Variants in SNTG2 observed in about 807,000 individuals in gnomAD.
The protein encoded by SNTG2 is syntrophin gamma 2.
In SNTG2, 74 loss-of-function variants were observed where a neutral mutation model predicts 70.9. The observed-to-expected ratio is 1.04, with a 90% CI of 0.86 to 1.27. SNTG2 has a LOEUF of 1.27. SNTG2 is among the 50% of genes most tolerant of loss of function. The pLI is 0.00. For synonymous variants in SNTG2, 278 were observed against 273.8 expected (o/e 1.02, Z -0.15); for missense variants, 717 against 690.7 (o/e 1.04, Z -0.43).
At chr2:1,065,099 T>C (rs1298803405) in intron 1 of SNTG2, among the ~76,000 whole-genome samples, 1 of 152,170 alleles carries the variant, frequency 6.6e-6, no homozygotes, top group African/African-American at 2.4e-5. Flanking sequence ...CAGCTGGAGC[T>C]GTGTAGCTGG....
chr2:1,307,971 TTTTTG>T (rs1180362949), intron 14 of SNTG2, among the ~76,000 whole-genome samples: 4 of 152,152 alleles, frequency 2.6e-5, no homozygotes, highest in Admixed American at 2.0e-4. Context: ...ACCGATGTAG[TTTTTG>T]TTTGTTTTTG....
intron 7 of SNTG2, among the ~76,000 whole-genome samples, chr2:1,168,045 AAACCTAC>A (rs1670857593): frequency 7.6e-6 from 1 of 132,230 alleles, no homozygotes; most frequent in African/African-American, 3.0e-5. Context: ...GGCAGAACTG[AAACCTAC>A]AGGCCGCCCA....
intron 16 of SNTG2, among the ~76,000 whole-genome samples, chr2:1,365,087 GTTT>G (rs59283968): frequency 4.6e-5 from 7 of 150,874 alleles, no homozygotes; most frequent in Non-Finnish European, 7.4e-5. Flanking sequence ...AAGCTACTTG[GTTT>G]TTTTTTTTTC....
intron 14 of SNTG2, among the ~76,000 whole-genome samples, chr2:1,285,837 G>A (rs1481912970): frequency 6.6e-6 from 1 of 152,118 alleles, no homozygotes; most frequent in East Asian, 1.9e-4. Flanking sequence ...GAAGGGTCTG[G>A]ACCATTTGTA....
At chr2:1,006,685 A>G (rs1659582753) in intron 1 of SNTG2, among the ~76,000 whole-genome samples, 1 of 152,242 alleles carries the variant, frequency 6.6e-6, no homozygotes, top group South Asian at 2.1e-4. Context: ...CAGTGTTGTT[A>G]TGGCATTTAC....
At chr2:1,067,180 CA>C (rs1308538973) in intron 1 of SNTG2, among the ~76,000 whole-genome samples, 1 of 149,504 alleles carries the variant, frequency 6.7e-6, no homozygotes, top group Non-Finnish European at 1.5e-5. Context: ...TGTTGTGTAA[CA>C]TAACCACATT....
chr2:1,111,734 C>T (rs1374495436), intron 4 of SNTG2, among the ~76,000 whole-genome samples: 1 of 151,880 alleles, frequency 6.6e-6, no homozygotes, highest in African/African-American at 2.4e-5. Context: ...GAGAGACTCC[C>T]TGAGAAGAAT....
chr2:1,285,320 A>AT (rs1235086193), intron 14 of SNTG2, among the ~76,000 whole-genome samples: 8 of 152,118 alleles, frequency 5.3e-5, no homozygotes, highest in Admixed American at 5.2e-4. Flanking sequence ...AATATTTTGC[A>AT]TCCTTCAATC....
chr2:1,211,131 T>A (rs963854644), intron 9 of SNTG2, among the ~76,000 whole-genome samples: 11 of 152,366 alleles, frequency 7.2e-5, no homozygotes, highest in African/African-American at 2.6e-4. Flanking sequence ...CAGAATGTTT[T>A]AACAGTTCGT....
chr2:1,282,280 C>T (rs1166838314), intron 14 of SNTG2, among the ~76,000 whole-genome samples: 1 of 152,120 alleles, frequency 6.6e-6, no homozygotes, highest in East Asian at 1.9e-4. Context: ...AATATAAAAG[C>T]CCATTTTCAT....
chr2:1,209,339 T>C, intron 9 of SNTG2, 109 bp downstream of exon 9: 1 of 1,296,042 alleles, frequency 7.7e-7, no homozygotes, highest in Non-Finnish European at 1.1e-6. Context: ...CATTAGCAAG[T>C]GTGCGTGCTG....
chr2:1,317,145 A>G (rs1681322610), intron 16 of SNTG2, among the ~76,000 whole-genome samples: 1 of 93,968 alleles, frequency 1.1e-5, no homozygotes, highest in African/African-American at 4.1e-5. Context: ...GCATCAGGCC[A>G]GCATTGGAGA....
chr2:1,213,729 A>G (rs564586293), intron 9 of SNTG2, among the ~76,000 whole-genome samples: 6 of 152,342 alleles, frequency 3.9e-5, no homozygotes, highest in Non-Finnish European at 8.8e-5. Flanking sequence ...GAGTGCTTAG[A>G]AAAACCCATG....
At chr2:1,045,147 T>A (rs1326830223) in intron 1 of SNTG2, among the ~76,000 whole-genome samples, 1 of 152,062 alleles carries the variant, frequency 6.6e-6, no homozygotes, top group African/African-American at 2.4e-5. Context: ...AGGAATCTAT[T>A]AATTTCTTCA....
At chr2:1,300,671 T>G (rs915952104) in intron 14 of SNTG2, among the ~76,000 whole-genome samples, 5 of 152,202 alleles carry the variant, frequency 3.3e-5, no homozygotes, top group African/African-American at 1.2e-4. Flanking sequence ...CAGAATCGCT[T>G]CTTTAACTTC....
intron 1 of SNTG2, among the ~76,000 whole-genome samples, chr2:1,076,576 A>G (rs1663930755): frequency 6.6e-6 from 1 of 152,248 alleles, no homozygotes; most frequent in Non-Finnish European, 1.5e-5. Context: ...CTGTTTTAGA[A>G]TAGCCTTCTC....
At chr2:960,910 GCC>G (rs1308523462) in intron 1 of SNTG2, among the ~76,000 whole-genome samples, 1 of 152,192 alleles carries the variant, frequency 6.6e-6, no homozygotes, top group Non-Finnish European at 1.5e-5. Context: ...CTCCTCACCT[GCC>G]CTCCTGCTCC....
At chr2:1,058,466 G>A (rs574736536) in intron 1 of SNTG2, among the ~76,000 whole-genome samples, 15 of 152,300 alleles carry the variant, frequency 9.8e-5, no homozygotes, top group South Asian at 6.2e-4. Context: ...GGGTTTATTG[G>A]CAGTATTTTA....
intron 4 of SNTG2, among the ~76,000 whole-genome samples, 163 bp downstream of exon 4, chr2:1,098,573 T>C (rs1665551380): frequency 6.6e-6 from 1 of 152,244 alleles, no homozygotes; most frequent in South Asian, 2.1e-4. Flanking sequence ...TCTTATGCCC[T>C]GATCTGAGGC....
Sources: gnomAD v4.1 joint callset for allele counts (sites outside exome capture counted in the v4.1 genomes callset) on GRCh38, gnomAD v4.1.1 for gene constraint, MANE v1.5 for transcripts, NCBI Gene and HGNC (gene_info 2026-07-23, HGNC 2026-07-21) for gene names.